The following GPD1L variants were observed in gnomAD, a reference collection of about 807,000 sequenced individuals.
GPD1L encodes the protein glycerol-3-phosphate dehydrogenase 1-like protein.
Under a neutral mutation model 32.9 loss-of-function variants are expected in GPD1L, and 17 were observed. The ratio of observed to expected loss-of-function variants is 0.52; its 90% CI spans 0.35 to 0.78. The LOEUF (loss-of-function observed/expected upper bound fraction) is 0.78. Ranked by LOEUF, GPD1L falls within the 30% of genes least tolerant of loss-of-function variation. GPD1L has a pLI of 0.01. For synonymous variants in GPD1L, 187 were observed against 165.9 expected (o/e 1.13, Z -0.98); for missense variants, 361 against 447.8 (o/e 0.81, Z 1.75).
rs1158514321 is a variant in GPD1L, at chr3:32,166,978, GCTTCA to G, written c.*1072_*1076del. Reference sequence around the variant, plus strand: ...GGCGGTCCTCGGTGCAGCAGCATCAGCTTCACTTGTGGGGGGGTGGGGGAAGGGGC... The same window carrying G: ...GGCGGTCCTCGGTGCAGCAGCATCAGCTTGTGGGGGGGTGGGGGAAGGGGC... On this transcript the variant is annotated 3_prime_UTR_variant, in exon 8 of 8. Coordinates refer to ENST00000282541, the MANE Select transcript of GPD1L (RefSeq NM_015141.4). 1 of 151,622 alleles carries G rather than the reference GCTTCA, an allele frequency of 6.6e-6. No individual in the cohort carries two copies. The highest frequency in any genetic ancestry group is 1.5e-5 in the Non-Finnish European group (1 of 67,994). The allele number at this position is 151,622 out of a possible 1,614,324, so 9.4% of individuals were successfully genotyped here. A position where few individuals can be genotyped will look rare whatever the true frequency, so the allele number is the denominator to read the frequency against.
chr3:32,122,320 G>A (rs191989615), intron 1 of GPD1L, among the ~76,000 whole-genome samples: 6 of 152,292 alleles, frequency 3.9e-5, no homozygotes, highest in South Asian at 2.1e-4. Context: ...ATTGCTAACC[G>A]TAGATGGACA....
chr3:32,121,296 T>TA, intron 1 of GPD1L, among the ~76,000 whole-genome samples: 1 of 151,738 alleles, frequency 6.6e-6, no homozygotes, highest in East Asian at 1.9e-4. Context: ...TGGTTCTAGA[T>TA]AAAATCTGTG....
At chr3:32,124,628 T>C (rs1269436140) in intron 1 of GPD1L, among the ~76,000 whole-genome samples, 1 of 152,082 alleles carries the variant, frequency 6.6e-6, no homozygotes, top group African/African-American at 2.4e-5. Flanking sequence ...AAATATTGAG[T>C]TCAACATGGA....
At position 32,135,934 on chromosome 3, in the gene GPD1L, G is replaced by T. The variant is rs531419889; in HGVS notation, c.226-2653G>T. The stretch of plus-strand genomic sequence containing the variant: ...CTTTCAAGAGGAAAATAGGCAAATA[G>T]GCCTTCCCTGCCTTTGGATCTGCCA... On this transcript the variant is annotated intron_variant, in intron 2 of 7. Transcript: ENST00000282541. Among the ~76,000 whole-genome samples, 3 of 152,246 alleles carry T rather than the reference G, an allele frequency of 2.0e-5. No homozygotes were observed. The South Asian group carries it at 6.2e-4, about 32-fold the overall frequency.
chr3:32,165,032 C>G (rs938454246), intron 7 of GPD1L, among the ~76,000 whole-genome samples: 5 of 152,078 alleles, frequency 3.3e-5, no homozygotes, highest in Non-Finnish European at 7.3e-5. Context: ...GGTAAAACCC[C>G]GTCTCTACTA....
intron 1 of GPD1L, among the ~76,000 whole-genome samples, chr3:32,121,874 G>T (rs566378602): frequency 5.8e-4 from 88 of 150,980 alleles, no homozygotes; most frequent in African/African-American, 2.1e-3. Flanking sequence ...AGTTTCAAGT[G>T]AGTCTCTGTC....
intron 1 of GPD1L, among the ~76,000 whole-genome samples, chr3:32,118,039 T>C (rs1700356485): frequency 6.6e-6 from 1 of 152,140 alleles, no homozygotes; most frequent in Non-Finnish European, 1.5e-5. Flanking sequence ...TGAAAACATA[T>C]TGAAGTAAGT....
intron 5 of GPD1L, among the ~76,000 whole-genome samples, chr3:32,156,058 C>T (rs1333006769): frequency 6.6e-6 from 1 of 152,178 alleles, no homozygotes; most frequent in Admixed American, 6.5e-5. Flanking sequence ...CTGTCCCATC[C>T]TGACTCGGCA....
intron 1 of GPD1L, among the ~76,000 whole-genome samples, chr3:32,109,957 G>A (rs1156443162): frequency 6.6e-6 from 1 of 152,302 alleles, no homozygotes. Context: ...TCGCTCTGTC[G>A]CCCAGGCTAG....
intron 1 of GPD1L, among the ~76,000 whole-genome samples, chr3:32,115,993 T>C (rs572201786): frequency 6.6e-6 from 1 of 152,094 alleles, no homozygotes; most frequent in East Asian, 1.9e-4. Context: ...TTTCACCGTG[T>C]TAGCCAGGAT....
chr3:32,126,712 A>T (rs536407448), intron 1 of GPD1L, among the ~76,000 whole-genome samples: 25 of 152,320 alleles, frequency 1.6e-4, no homozygotes, highest in Non-Finnish European at 1.0e-4. Flanking sequence ...ATCTACAGCT[A>T]TTCTTTTGTG....
chr3:32,143,310 C>A (rs1033853394), intron 4 of GPD1L, among the ~76,000 whole-genome samples: 2 of 152,182 alleles, frequency 1.3e-5, no homozygotes, highest in East Asian at 1.9e-4. Context: ...GAGTCTTGTT[C>A]GAATTCCTGG....
chr3:32,126,394 T>C (rs1700508300), intron 1 of GPD1L, among the ~76,000 whole-genome samples: 1 of 152,170 alleles, frequency 6.6e-6, no homozygotes, highest in Admixed American at 6.5e-5. Context: ...TTTACTAGAC[T>C]TAGATTCCTG....
Position 32,106,689 on chromosome 3 carries a change from A to G in GPD1L, c.-23A>G. Reference sequence around the variant, plus strand: ...GCAGCCGGCCAGGGAAGCACGGTCCAGGCGGCTACATTCGGCCCGGCCATG... The same window carrying G: ...GCAGCCGGCCAGGGAAGCACGGTCCGGGCGGCTACATTCGGCCCGGCCATG... On this transcript the variant is annotated 5_prime_UTR_variant, in exon 1 of 8. Transcript: ENST00000282541. This position sits in a 1 kb window ranked among gnomAD's most constrained non-coding sequence, Gnocchi z 4.0. The G allele has an allele frequency of 6.4e-7, 1 of 1,552,026 alleles. No homozygotes were observed. Among genetic ancestry groups the G allele is most frequent in the Non-Finnish European group, 8.7e-7 (1 of 1,150,522 alleles).
At chr3:32,152,854 A>AC (rs1700938488) in intron 5 of GPD1L, among the ~76,000 whole-genome samples, 1 of 123,580 alleles carries the variant, frequency 8.1e-6, no homozygotes, top group Non-Finnish European at 1.6e-5. Context: ...AGAAAAAAAA[A>AC]AAAAGACAGA....
chr3:32,158,632 T>C, intron 5 of GPD1L: 2 of 713,434 alleles, frequency 2.8e-6, no homozygotes, highest in South Asian at 1.9e-5. Flanking sequence ...TTCTGTCCAA[T>C]GCTCTTCAAC....
intron 5 of GPD1L, among the ~76,000 whole-genome samples, chr3:32,157,648 C>A (rs1008036617): frequency 6.6e-6 from 1 of 152,156 alleles, no homozygotes; most frequent in Admixed American, 6.5e-5. Context: ...TATTTGTACA[C>A]GTTTTATTTT....
At chr3:32,121,751 C>CTATATATATATATTTCTA (rs1700424585) in intron 1 of GPD1L, among the ~76,000 whole-genome samples, 1 of 133,388 alleles carries the variant, frequency 7.5e-6, no homozygotes, top group Non-Finnish European at 1.6e-5. Flanking sequence ...ATATATATTT[C>CTATATATATATATTTCTA]TATATATATA....
intron 5 of GPD1L, among the ~76,000 whole-genome samples, chr3:32,148,163 G>T (rs558629414): frequency 2.6e-5 from 4 of 152,188 alleles, no homozygotes; most frequent in African/African-American, 9.7e-5. Flanking sequence ...CTCAGTGCTG[G>T]CCTGAGCTGC....
Sources: allele counts gnomAD v4.1 joint callset (sites outside exome capture counted in the v4.1 genomes callset), GRCh38; gene constraint gnomAD v4.1.1; non-coding constraint Gnocchi (gnomAD v3.1); transcripts MANE v1.5; gene names NCBI Gene and HGNC (gene_info 2026-07-23, HGNC 2026-07-21).